Variants in BTRC observed in about 807,000 individuals in gnomAD.
BTRC encodes the protein beta-transducin repeat containing E3 ubiquitin protein ligase, also known as F-box/WD repeat-containing protein 1A.
Under a neutral mutation model 85.5 loss-of-function variants are expected in BTRC, and 42 were observed. That is an observed-to-expected ratio of 0.49 (90% CI 0.38 to 0.64). The LOEUF is 0.64. BTRC is among the 30% of genes least tolerant of loss of function. The pLI is 0.00. For synonymous variants in BTRC, 255 were observed against 263.3 expected, an observed-to-expected ratio of 0.97 and a Z score of 0.30; for missense variants, 594 against 743.5, an observed-to-expected ratio of 0.80 and a Z score of 2.34.
rs75804828 is a variant in BTRC, at chr10:101,391,734, C to T, written c.48+37506C>T. 8.2e-4 allele frequency among the ~76,000 whole-genome samples: 125 copies of T among 152,238 alleles called. No homozygotes were observed. The East Asian group carries it at 0.023, about 28-fold the overall frequency. On this transcript the variant is annotated intron_variant, in intron 1 of 14. Coordinates refer to ENST00000370187, the MANE Select transcript of BTRC (RefSeq NM_033637.4). The stretch of plus-strand genomic sequence containing the variant: ...TTTTTACTTCTTAATTTGCAAATTG[C>T]AAATTGTACTCATGCCCTGCCATCA...
intron 1 of BTRC, among the ~76,000 whole-genome samples, chr10:101,411,054 G>A (rs1943764994): frequency 6.9e-6 from 1 of 144,118 alleles, no homozygotes; most frequent in South Asian, 2.2e-4. Flanking sequence ...AAAGTGCACT[G>A]GGGCAATCTC....
intron 1 of BTRC, among the ~76,000 whole-genome samples, chr10:101,375,539 G>C (rs1158776984): frequency 5.9e-5 from 9 of 152,320 alleles, no homozygotes; most frequent in Admixed American, 5.9e-4. Context: ...GGAGAATAAT[G>C]GCAGGGAGTC....
chr10:101,502,730 G>A (rs922995667), intron 4 of BTRC, among the ~76,000 whole-genome samples: 3 of 151,942 alleles, frequency 2.0e-5, no homozygotes, highest in African/African-American at 4.8e-5. Context: ...CCACCTCCTC[G>A]TTCATTTAGA....
Position 101,534,770 on chromosome 10 carries a change from C to G in BTRC, c.1207C>G (p.Arg403Gly). Reference protein sequence around the residue: ...NGMMVTCSKDRSIAVWDMASP... With the variant: ...NGMMVTCSKDGSIAVWDMASP... The stretch of plus-strand genomic sequence containing the variant: ...CATGATGGTGACCTGCTCCAAAGAT[C>G]GTTCCATTGCTGTATGGGATATGGC... The change falls in exon 10 of 15, where the codon CGT becomes GGT. Residue 403 changes from arginine (R) to glycine (G), a missense_variant. Around this residue, in one of 4 missense-constraint regions of BTRC, gnomAD observed 373 missense variants for 503.6 expected, o/e 0.74. Coordinates refer to ENST00000370187, the MANE Select transcript of BTRC (RefSeq NM_033637.4). 1 of 1,614,158 alleles carries G rather than the reference C, an allele frequency of 6.2e-7. No individual in the cohort carries two copies. Among genetic ancestry groups the G allele is most frequent in the Non-Finnish European group, 8.5e-7 (1 of 1,180,018 alleles).
intron 1 of BTRC, among the ~76,000 whole-genome samples, chr10:101,395,294 G>A (rs1290575421): frequency 6.6e-6 from 1 of 152,138 alleles, no homozygotes; most frequent in Non-Finnish European, 1.5e-5. Context: ...GTCTAGCCAG[G>A]CAGGCTAGGA....
intron 2 of BTRC, among the ~76,000 whole-genome samples, chr10:101,433,945 A>C (rs989179216): frequency 6.6e-5 from 10 of 152,258 alleles, no homozygotes; most frequent in Admixed American, 6.5e-4. Context: ...CTATATTTGT[A>C]ATAGGAATTA....
chr10:101,517,630 C>T (rs2062039692), intron 4 of BTRC, among the ~76,000 whole-genome samples: 2 of 152,076 alleles, frequency 1.3e-5, no homozygotes, highest in Admixed American at 6.5e-5. Flanking sequence ...TTGAAAAGTA[C>T]CCAGTTGTAC....
intron 1 of BTRC, among the ~76,000 whole-genome samples, chr10:101,364,121 A>G (rs1432988708): frequency 2.3e-5 from 3 of 132,902 alleles, no homozygotes; most frequent in East Asian, 3.9e-4. Flanking sequence ...TTAGAGAAGA[A>G]TGGTAAGATG....
intron 1 of BTRC, among the ~76,000 whole-genome samples, chr10:101,387,629 C>A (rs1004822173): frequency 6.8e-6 from 1 of 147,626 alleles, no homozygotes; most frequent in African/African-American, 2.5e-5. Flanking sequence ...TGGGTTCAAG[C>A]GATTCTCCTG....
chr10:101,433,755 A>C (rs1422139360), intron 2 of BTRC, among the ~76,000 whole-genome samples: 1 of 152,114 alleles, frequency 6.6e-6, no homozygotes. Context: ...GATTTGCATT[A>C]CTCTGGCTAT....
In BTRC at chr10:101,422,152, T is replaced by A. The variant is rs187997066; in HGVS notation, c.49-8193T>A. Among the ~76,000 whole-genome samples the A allele has an allele frequency of 5.6e-3, 848 of 152,324 alleles. 7 individuals carry two copies. The highest frequency in any genetic ancestry group is 8.4e-3 in the Non-Finnish European group (568 of 68,016). On this transcript the variant is annotated intron_variant, in intron 1 of 14. Transcript: ENST00000370187. ...CACCTGTTGTTTCCTGACTTTTTAA[T>A]GATCACCATTCTAACTGGCGTGAGA...
intron 4 of BTRC, among the ~76,000 whole-genome samples, chr10:101,489,147 G>A (rs1026885599): frequency 2.6e-4 from 39 of 152,014 alleles, no homozygotes; most frequent in Admixed American, 1.7e-3. Flanking sequence ...TATTTTGACT[G>A]ATAGTGAGCT....
intron 4 of BTRC, among the ~76,000 whole-genome samples, chr10:101,485,004 G>A (rs2134241391): frequency 6.6e-6 from 1 of 152,274 alleles, no homozygotes; most frequent in African/African-American, 2.4e-5. Context: ...TTCTAGATGT[G>A]CGTGCCGTTT....
chr10:101,404,149 G>A (rs1943563080), intron 1 of BTRC, among the ~76,000 whole-genome samples: 1 of 148,152 alleles, frequency 6.7e-6, no homozygotes, highest in Admixed American at 6.8e-5. Context: ...TCCTGCCTCA[G>A]CCTCTCGAGT....
intron 1 of BTRC, among the ~76,000 whole-genome samples, chr10:101,426,682 C>T (rs1221446663): frequency 2.0e-5 from 3 of 152,038 alleles, no homozygotes; most frequent in African/African-American, 4.8e-5. Context: ...ACGGAGGAGA[C>T]AAATCATTCA....
In BTRC at chr10:101,524,038, C is replaced by T. The variant is rs138671088; in HGVS notation, c.557-1975C>T. On this transcript the variant is annotated intron_variant, in intron 5 of 14. Coordinates refer to ENST00000370187, the MANE Select transcript of BTRC (RefSeq NM_033637.4). The stretch of plus-strand genomic sequence containing the variant: ...ATCCCCTAATAAAAATATACCAGCT[C>T]ATAGCCTCCCAACTATTAATACTAC... Among the ~76,000 whole-genome samples the T allele has an allele frequency of 3.0e-4, 45 of 152,246 alleles. No homozygotes were observed. The East Asian group carries it at 8.5e-3, about 29-fold the overall frequency.
At chr10:101,529,420 A>G (rs1326040908) in intron 6 of BTRC, among the ~76,000 whole-genome samples, 2 of 152,228 alleles carry the variant, frequency 1.3e-5, no homozygotes, top group African/African-American at 2.4e-5. Context: ...AGAAGACAGG[A>G]ATCTCAGGAA....
chr10:101,429,229 G>C (rs903696905), intron 1 of BTRC, among the ~76,000 whole-genome samples: 1 of 151,992 alleles, frequency 6.6e-6, no homozygotes, highest in Admixed American at 6.6e-5. Flanking sequence ...CAAGTTGATG[G>C]ATAAAATTTC....
chr10:101,401,800 T>A (rs1943497588), intron 1 of BTRC, among the ~76,000 whole-genome samples: 1 of 141,726 alleles, frequency 7.1e-6, no homozygotes, highest in Non-Finnish European at 1.5e-5. Context: ...ATTATGCCAC[T>A]GCACTCCAGC....
Sources: allele counts gnomAD v4.1 joint callset (sites outside exome capture counted in the v4.1 genomes callset), GRCh38; gene constraint gnomAD v4.1.1; regional missense constraint gnomAD v4.1.1; transcripts MANE v1.5; gene names NCBI Gene and HGNC (gene_info 2026-07-23, HGNC 2026-07-21).